Variants in RP2 observed in about 807,000 individuals in gnomAD.
RP2 encodes the protein RP2 activator of ARL3 GTPase, also known as protein XRP2.
In RP2, 3 loss-of-function variants were observed where a neutral mutation model predicts 20.3. The observed-to-expected ratio is 0.15, with a 90% CI of 0.07 to 0.38. RP2 has a LOEUF of 0.38. Among genes scored for constraint, RP2 ranks in the 10% least tolerant of loss-of-function variants. The pLI is 1.00. For missense variants in RP2, 233 were observed against 268.5 expected, an observed-to-expected ratio of 0.87 and a Z score of 0.92; for synonymous variants, 75 against 94.8, an observed-to-expected ratio of 0.79 and a Z score of 1.22.
At position 46,840,199 on chromosome X, in the gene RP2, T is replaced by G. The variant is rs193118148; in HGVS notation, c.102+2997T>G. Among the ~76,000 whole-genome samples the G allele has an allele frequency of 3.0e-3, 339 of 112,272 alleles. 3 individuals are homozygous for G. Among genetic ancestry groups the G allele is most frequent in the Middle Eastern group, 0.014 (3 of 218 alleles). ...TTCACCTTGTTGGCCAGGCTAGTCC[T>G]GAACTCCTGACCTCAGGTGATCCAC... is the stretch of plus-strand genomic sequence containing the variant. On this transcript the variant is annotated intron_variant, in intron 1 of 4. Transcript: ENST00000218340.
rs1000426939 is a variant in RP2 at position 46,853,807 on chromosome X, T to C, written c.434T>C (p.Phe145Ser). 2 of 1,211,697 alleles carry C rather than the reference T, an allele frequency of 1.7e-6. No individual in the cohort carries two copies. The highest frequency in any genetic ancestry group is 2.2e-6 in the Non-Finnish European group (2 of 895,459). Residue 145 changes from phenylalanine (F) to serine (S), a missense_variant, in exon 2 of 5, where the codon TTT becomes TCT. By Grantham distance (155) the Phe-to-Ser change is radical (BLOSUM62 -2). Around this residue, in one of 3 missense-constraint regions of RP2, gnomAD observed 38 missense variants for 72.9 expected, o/e 0.52. Transcript: ENST00000218340. ...PIIESSSNIK[F>S]GCFQWYYPEL... ...ATTGAGTCTTCCTCAAATATCAAAT[T>C]TGGATGTTTTCAATGGTACTATCCT...
intron 1 of RP2, 94 bp from the exon 2 acceptor site, chrX:46,853,382 G>A: frequency 1.3e-6 from 1 of 748,693 alleles, no homozygotes; most frequent in Non-Finnish European, 2.0e-6. Context: ...TTATATTTCA[G>A]CACTAAGAAC....
At position 46,880,989 on chromosome X, in the gene RP2, A is replaced by T; in HGVS notation, c.*1220A>T. ...ACATCACATATAGCAGCTATTATGA[A>T]ATCAGCTTTCATAGGCCTATTTTTA... On this transcript the variant is annotated 3_prime_UTR_variant, in exon 5 of 5. Transcript: ENST00000218340. 8.9e-6 allele frequency: 1 copy of T among 112,140 alleles called. No homozygotes were observed. The highest frequency in any genetic ancestry group is 2.8e-4 in the East Asian group (1 of 3,587). 9.2% of individuals were successfully genotyped at this position (112,140 alleles called of 1,213,427 possible). A position where few individuals can be genotyped will look rare whatever the true frequency, so the allele number is the denominator to read the frequency against.
intron 1 of RP2, among the ~76,000 whole-genome samples, chrX:46,840,304 C>A (rs1924595584): frequency 9.0e-6 from 1 of 111,692 alleles, no homozygotes; most frequent in Non-Finnish European, 1.9e-5. Context: ...TGAAGGGCAC[C>A]CCTTGGGTTT....
chrX:46,852,556 A>G (rs1458888335), intron 1 of RP2, among the ~76,000 whole-genome samples: 2 of 110,978 alleles, frequency 1.8e-5, no homozygotes, highest in African/African-American at 6.5e-5. Flanking sequence ...CAGTCTGGGT[A>G]CATTCCCAAT....
At chrX:46,862,663 A>C (rs1376544823) in intron 3 of RP2, among the ~76,000 whole-genome samples, 2 of 111,853 alleles carry the variant, frequency 1.8e-5, no homozygotes, top group African/African-American at 3.3e-5. Flanking sequence ...CTGTCTCAAA[A>C]AAACAAACAA....
Position 46,879,933 on chromosome X carries a change from C to T in RP2, c.*164C>T. 2.9e-6 allele frequency: 1 copy of T among 341,442 alleles called. No homozygotes were observed. 28.1% of individuals were successfully genotyped at this position (341,442 alleles called of 1,213,427 possible). On this transcript the variant is annotated 3_prime_UTR_variant, in exon 5 of 5. Coordinates refer to ENST00000218340, the MANE Select transcript of RP2 (RefSeq NM_006915.3). ...AGTATTACATCATTTACTTGAGGTT[C>T]AAAAATAATTCATTTTAAATTAAGT...
intron 3 of RP2, among the ~76,000 whole-genome samples, chrX:46,876,308 C>T (rs1312532604): frequency 9.1e-6 from 1 of 110,352 alleles, no homozygotes; most frequent in African/African-American, 3.3e-5. Context: ...TTTGTAGAGA[C>T]GGGGTCTTGC....
chrX:46,843,338 G>GT (rs1421601593), intron 1 of RP2, among the ~76,000 whole-genome samples: 2 of 111,486 alleles, frequency 1.8e-5, no homozygotes, highest in African/African-American at 3.3e-5. Context: ...CTGCTAAACA[G>GT]TTTTTTAGAG....
In RP2 at chrX:46,880,870, A is replaced by G. The variant is rs1925457294; in HGVS notation, c.*1101A>G. On this transcript the variant is annotated 3_prime_UTR_variant, in exon 5 of 5. Transcript: ENST00000218340. ...ATGCACGGATTCAGTCTTCAGGGGA[A>G]ACTCTGTTTTAAGGGGTATGTTGTA... 3 of 111,527 alleles carry G rather than the reference A, an allele frequency of 2.7e-5. No individual in the cohort carries two copies. The highest frequency in any genetic ancestry group is 9.6e-5 in the Admixed American group (1 of 10,442). 9.2% of individuals were successfully genotyped at this position (111,527 alleles called of 1,213,427 possible). A position where few individuals can be genotyped will look rare whatever the true frequency, so the allele number is the denominator to read the frequency against.
chrX:46,847,743 T>TGTGTGTGTGTACATACACAC (rs1924753210), intron 1 of RP2, among the ~76,000 whole-genome samples: 3 of 87,111 alleles, frequency 3.4e-5, no homozygotes, highest in Non-Finnish European at 6.5e-5. Context: ...TATACACACA[T>TGTGTGTGTGTACATACACAC]ATGTGTGTGT....
intron 1 of RP2, among the ~76,000 whole-genome samples, chrX:46,850,679 GAGCTCT>G (rs1337886630): frequency 3.6e-5 from 4 of 111,395 alleles, no homozygotes; most frequent in Non-Finnish European, 7.5e-5. Context: ...TTTACCTAAT[GAGCTCT>G]AGCTTATCCA....
intron 3 of RP2, among the ~76,000 whole-genome samples, chrX:46,873,039 T>C (rs190452544): frequency 8.9e-6 from 1 of 111,744 alleles, no homozygotes; most frequent in African/African-American, 3.2e-5. Flanking sequence ...GTGCCTGGCC[T>C]GAACCGTCAC....
intron 3 of RP2, among the ~76,000 whole-genome samples, chrX:46,866,312 T>TA (rs1161914941): frequency 9.0e-6 from 1 of 111,599 alleles, no homozygotes; most frequent in Non-Finnish European, 1.9e-5. Flanking sequence ...CAGACAAAGG[T>TA]AAAAAATACA....
intron 3 of RP2, among the ~76,000 whole-genome samples, chrX:46,871,712 G>C (rs782116204): frequency 8.9e-6 from 1 of 112,025 alleles, no homozygotes; most frequent in African/African-American, 3.2e-5. Flanking sequence ...AGGTCAAGTT[G>C]GTTGATAGTG....
At position 46,881,902 on chromosome X, in the gene RP2, C is replaced by T. The variant is rs1476962745; in HGVS notation, c.*2133C>T. 2 of 112,129 alleles carry T rather than the reference C, an allele frequency of 1.8e-5. No individual in the cohort carries two copies. The highest frequency in any genetic ancestry group is 3.8e-5 in the Non-Finnish European group (2 of 53,252). 9.2% of individuals were successfully genotyped at this position (112,129 alleles called of 1,213,427 possible). A position where few individuals can be genotyped will look rare whatever the true frequency, so the allele number is the denominator to read the frequency against. ...TCTTTATGATATTTGAGCAACAACT[C>T]AGGAATATAACATATAAGGGAGATG... On this transcript the variant is annotated 3_prime_UTR_variant, in exon 5 of 5. Transcript: ENST00000218340.
intron 1 of RP2, among the ~76,000 whole-genome samples, chrX:46,847,838 G>GTGTGTATATA (rs1467886556): frequency 1.1e-5 from 1 of 95,137 alleles, no homozygotes; most frequent in African/African-American, 3.9e-5. Context: ...GTGTATATAT[G>GTGTGTATATA]TGTGTATATA....
At chrX:46,839,098 CTG>C (rs1449777250) in intron 1 of RP2, among the ~76,000 whole-genome samples, 5 of 111,860 alleles carry the variant, frequency 4.5e-5, no homozygotes, top group African/African-American at 1.6e-4. Flanking sequence ...ATATTTTGGA[CTG>C]TTGAAGAGAA....
At chrX:46,855,228 T>A (rs782653700) in intron 2 of RP2, among the ~76,000 whole-genome samples, 71 of 109,544 alleles carry the variant, frequency 6.5e-4, no homozygotes, top group African/African-American at 2.2e-3. Flanking sequence ...GAACAGTGGG[T>A]CTTGGTGAGC....
Sources: allele counts gnomAD v4.1 joint callset (sites outside exome capture counted in the v4.1 genomes callset), GRCh38; gene constraint gnomAD v4.1.1; regional missense constraint gnomAD v4.1.1; transcripts MANE v1.5; gene names NCBI Gene and HGNC (gene_info 2026-07-23, HGNC 2026-07-21).